Variants in KIRREL3 observed in about 807,000 individuals in gnomAD.
The protein encoded by KIRREL3 is kirre like nephrin family adhesion molecule 3.
Under a neutral mutation model 89.7 loss-of-function variants are expected in KIRREL3, and 36 were observed. That is an observed-to-expected ratio of 0.40 (90% confidence interval 0.31 to 0.53). The LOEUF is 0.53. KIRREL3 is among the 20% of genes least tolerant of loss of function. The pLI is 0.49. For missense variants in KIRREL3, 864 were observed against 1,056.6 expected, an observed-to-expected ratio of 0.82 and a Z score of 2.53; for synonymous variants, 445 against 441.4, an observed-to-expected ratio of 1.01 and a Z score of -0.10.
At chr11:126,794,129 T>C (rs921573177) in intron 1 of KIRREL3, among the ~76,000 whole-genome samples, 1 of 152,224 alleles carries the variant, frequency 6.6e-6, no homozygotes. Flanking sequence ...CATAAAATAA[T>C]GGTAAGGAAG....
rs1444287433 is a variant in KIRREL3, at chr11:126,635,797, T to C, written c.56-72885A>G. Among the ~76,000 whole-genome samples, 1 of 152,222 alleles carries C rather than the reference T, an allele frequency of 6.6e-6. No individual in the cohort carries two copies. The highest frequency in any genetic ancestry group is 1.5e-5 in the Non-Finnish European group (1 of 68,044). ...TGGTAATCTGAAGAGGCGATTGGTATAAAAATACCAGGTAAAAGGCAGAGT... is the reference window on the plus strand; with the variant it reads ...TGGTAATCTGAAGAGGCGATTGGTACAAAAATACCAGGTAAAAGGCAGAGT... On this transcript the variant is annotated intron_variant, in intron 1 of 16. Coordinates refer to ENST00000525144, the MANE Select transcript of KIRREL3 (RefSeq NM_032531.4). This position sits in a 1 kb window ranked among gnomAD's most constrained non-coding sequence, Gnocchi z 4.0.
rs1386179879 is a variant in KIRREL3, at chr11:126,429,245, T to G, written c.1740A>C (p.Glu580Asp). 9 of 1,613,808 alleles carry G rather than the reference T, an allele frequency of 5.6e-6. No homozygotes were observed. Among genetic ancestry groups the G allele is most frequent in the African/African-American group, 1.3e-5 (1 of 74,922 alleles). The change falls in exon 15 of 17, where the codon GAA becomes GAC. Residue 580 changes from glutamate to aspartate, a missense_variant. Transcript: ENST00000525144. The surrounding 1 kb of genome is among the most constrained non-coding windows in gnomAD (Gnocchi z 5.2). ...CAGAGGCTGGTTCCTTGTGGACAAT[T>G]TCCACTCGGATATCATTTTTGGCTG... ...VVSAKNDIRV[E>D]IVHKEPASGR...
chr11:126,450,295 ATGTG>A (rs951482446), intron 7 of KIRREL3, among the ~76,000 whole-genome samples: 1 of 143,934 alleles, frequency 6.9e-6, no homozygotes, highest in Admixed American at 6.9e-5. Flanking sequence ...GCGTGTGTGC[ATGTG>A]TGAGTGTGCC....
At position 126,576,075 on chromosome 11, in the gene KIRREL3, C is replaced by A. The variant is rs930569595; in HGVS notation, c.56-13163G>T. The stretch of plus-strand genomic sequence containing the variant: ...CCAGGCACATAGTAGGCACTCAGTG[C>A]ACATGTGTATGTGACGAGTAACTCC... On this transcript the variant is annotated intron_variant, in intron 1 of 16. Coordinates refer to ENST00000525144, the MANE Select transcript of KIRREL3 (RefSeq NM_032531.4). The surrounding 1 kb of genome is among the most constrained non-coding windows in gnomAD (Gnocchi z 5.4). Among the ~76,000 whole-genome samples, 1 of 152,200 alleles carries A rather than the reference C, an allele frequency of 6.6e-6. No homozygotes were observed. The highest frequency in any genetic ancestry group is 2.4e-5 in the African/African-American group (1 of 41,452).
At chr11:126,591,275 T>A (rs751308819) in intron 1 of KIRREL3, among the ~76,000 whole-genome samples, 15 of 152,224 alleles carry the variant, frequency 9.9e-5, no homozygotes, top group Non-Finnish European at 1.8e-4. Context: ...TGTATTAAGA[T>A]GTTAACATCT....
intron 1 of KIRREL3, among the ~76,000 whole-genome samples, chr11:126,670,849 G>C (rs555199844): frequency 6.6e-6 from 1 of 152,184 alleles, no homozygotes; most frequent in African/African-American, 2.4e-5. Context: ...ATAGAATGGC[G>C]AAGGACCTAG....
At chr11:126,721,514 A>C (rs1174696228) in intron 1 of KIRREL3, among the ~76,000 whole-genome samples, 1 of 135,576 alleles carries the variant, frequency 7.4e-6, no homozygotes, top group African/African-American at 2.8e-5. Flanking sequence ...GGGCAACAAG[A>C]GTAAAACTCC....
chr11:126,921,436 T>C (rs1199471693), intron 1 of KIRREL3, among the ~76,000 whole-genome samples: 1 of 152,030 alleles, frequency 6.6e-6, no homozygotes, highest in Non-Finnish European at 1.5e-5. Context: ...TCTATCTATC[T>C]ATCTATCTAT....
chr11:126,968,344 C>T (rs1949335193), intron 1 of KIRREL3, among the ~76,000 whole-genome samples: 1 of 151,700 alleles, frequency 6.6e-6, no homozygotes, highest in African/African-American at 2.4e-5. Context: ...TGGCAAAATG[C>T]AAAAGAAAGA....
chr11:126,581,987 T>A (rs1273678225), intron 1 of KIRREL3, among the ~76,000 whole-genome samples: 3 of 152,094 alleles, frequency 2.0e-5, no homozygotes, highest in Non-Finnish European at 4.4e-5. Context: ...ATTCCACAGA[T>A]GGGAAAACAG....
chr11:126,957,848 C>T lies in KIRREL3; in HGVS notation c.55+42607G>A, dbSNP rs549424936. Among the ~76,000 whole-genome samples, 5 of 152,336 alleles carry T rather than the reference C, an allele frequency of 3.3e-5. No homozygotes were observed. In the South Asian group the frequency reaches 1.0e-3, roughly 32 times the overall value. On this transcript the variant is annotated intron_variant, in intron 1 of 16. Transcript: ENST00000525144. ...GACCTGGGTTTGGTGCCAACTTTAC[C>T]ATTCACCAACAAATCATCTCAAGGA...
At chr11:126,473,275 CGTCCACA>C in intron 5 of KIRREL3, 27 bp downstream of exon 5, 1 of 1,057,678 alleles carries the variant, frequency 9.5e-7, no homozygotes, top group Non-Finnish European at 1.3e-6. Context: ...CCTTGAAGCC[CGTCCACA>C]CCCACCCCCT....
Position 126,970,591 on chromosome 11 carries a change from A to T in KIRREL3, c.55+29864T>A, listed in dbSNP as rs933975325. 6.6e-6 allele frequency among the ~76,000 whole-genome samples: 1 copy of T among 152,208 alleles called. No homozygotes were observed. Among genetic ancestry groups the T allele is most frequent in the African/African-American group, 2.4e-5 (1 of 41,444 alleles). On this transcript the variant is annotated intron_variant, in intron 1 of 16. Coordinates refer to ENST00000525144, the MANE Select transcript of KIRREL3 (RefSeq NM_032531.4). This position sits in a 1 kb window ranked among gnomAD's most constrained non-coding sequence, Gnocchi z 4.4. Reference sequence around the variant, plus strand: ...AAATCTGATTTTTATTAAGTATCAAATCACAGAACACGTTTGCTTTTACTT... The same window carrying T: ...AAATCTGATTTTTATTAAGTATCAATTCACAGAACACGTTTGCTTTTACTT...
intron 7 of KIRREL3, among the ~76,000 whole-genome samples, chr11:126,451,702 G>C (rs1162214807): frequency 6.6e-6 from 1 of 152,170 alleles, no homozygotes; most frequent in African/African-American, 2.4e-5. Flanking sequence ...ACGTGTGAGT[G>C]TGTGCATGTG....
chr11:126,882,866 G>A (rs1945556357), intron 1 of KIRREL3, among the ~76,000 whole-genome samples: 1 of 152,138 alleles, frequency 6.6e-6, no homozygotes, highest in South Asian at 2.1e-4. Context: ...AAGTTTCTGG[G>A]TTCAAGAACC....
intron 2 of KIRREL3, among the ~76,000 whole-genome samples, chr11:126,545,610 A>AAAAATAAAATAAAAT (rs200693654): frequency 0.083 from 12,276 of 148,236 alleles, 639 homozygotes; most frequent in Admixed American, 0.13. Context: ...CTCAATTTTT[A>AAAAATAAAATAAAAT]AAAATAAAAT....
rs1008609381 is a variant in KIRREL3 at position 126,609,268 on chromosome 11, T to C, written c.56-46356A>G. 1.3e-5 allele frequency among the ~76,000 whole-genome samples: 2 copies of C among 152,216 alleles called. No individual in the cohort carries two copies. Among genetic ancestry groups the C allele is most frequent in the Non-Finnish European group, 2.9e-5 (2 of 68,040 alleles). ...GTGAAGCTCCAGGCAGTTTCCCTAATGTCTCTCCTTAGCCTCTTGCAGAGA... is the reference window on the plus strand; with the variant it reads ...GTGAAGCTCCAGGCAGTTTCCCTAACGTCTCTCCTTAGCCTCTTGCAGAGA... On this transcript the variant is annotated intron_variant, in intron 1 of 16. Transcript: ENST00000525144. The surrounding 1 kb of genome is among the most constrained non-coding windows in gnomAD (Gnocchi z 5.0).
At chr11:126,649,491 C>T (rs1451085544) in intron 1 of KIRREL3, among the ~76,000 whole-genome samples, 1 of 152,162 alleles carries the variant, frequency 6.6e-6, no homozygotes, top group African/African-American at 2.4e-5. Context: ...TACAGCCATT[C>T]CAAATGGGAG....
rs1948100746 is a variant in KIRREL3, at chr11:126,719,759, A to G, written c.56-156847T>C. On this transcript the variant is annotated intron_variant, in intron 1 of 16. Coordinates refer to ENST00000525144, the MANE Select transcript of KIRREL3 (RefSeq NM_032531.4). The surrounding 1 kb of genome is among the most constrained non-coding windows in gnomAD (Gnocchi z 4.7). ...TCAATCTTTTATCCAGAAAATGACC[A>G]CTTCTTACAACCTCTGCTGCCCCCA... 6.6e-6 allele frequency among the ~76,000 whole-genome samples: 1 copy of G among 152,080 alleles called. No individual in the cohort carries two copies. The highest frequency in any genetic ancestry group is 2.4e-5 in the African/African-American group (1 of 41,408).
Sources: gnomAD v4.1 joint callset for allele counts (sites outside exome capture counted in the v4.1 genomes callset) on GRCh38, gnomAD v4.1.1 for gene constraint, Gnocchi (gnomAD v3.1) non-coding constraint, MANE v1.5 for transcripts, NCBI Gene and HGNC (gene_info 2026-07-23, HGNC 2026-07-21) for gene names.